The following INTS10 variants were observed in gnomAD, a reference collection of about 807,000 sequenced individuals.
INTS10 encodes the protein integrator complex subunit 10, also known as chromosome 8 open reading frame 35.
In INTS10, 44 loss-of-function variants were observed where a neutral mutation model predicts 94.4. The observed-to-expected ratio is 0.47, with a 90% CI of 0.37 to 0.60. INTS10 has a LOEUF of 0.60. Ranked by LOEUF, INTS10 falls within the 20% of genes least tolerant of loss-of-function variation. The probability of loss-of-function intolerance (pLI) is 0.00; values close to 1 mark genes in which losing one functional copy is unlikely to be tolerated. For synonymous variants in INTS10, 341 were observed against 320.7 expected (o/e 1.06, Z -0.68); for missense variants, 797 against 868.7 (o/e 0.92, Z 1.04).
rs2068377659 is a variant in INTS10, at chr8:19,844,202, A to C, written c.1846A>C (p.Asn616His). ...TGTCAATAAAATTTGCCAACAAGGA[A>C]ATTTCCAATATGAGAATTTTTTCAA... ...KAVNKICQQG[N>H]FQYENFFNYV... The change falls in exon 15 of 17, where the codon AAT (asparagine) becomes CAT (histidine). Residue 616 changes from asparagine (N) to histidine (H), a missense_variant. Transcript: ENST00000397977. 6.2e-7 allele frequency: 1 copy of C among 1,613,352 alleles called. No homozygotes were observed. Among genetic ancestry groups the C allele is most frequent in the Non-Finnish European group, 8.5e-7 (1 of 1,179,326 alleles).
At position 19,817,450 on chromosome 8, in the gene INTS10, G is replaced by A. The variant is rs975950208; in HGVS notation, c.-88G>A. On this transcript the variant is annotated 5_prime_UTR_variant, in exon 1 of 17. Coordinates refer to ENST00000397977, the MANE Select transcript of INTS10 (RefSeq NM_018142.4). ...CAGTAGCCTCCCCCGCGGTGGCGGC[G>A]GCGGCGGCGGTGGCTGCCGTGGCGG... 1 of 1,517,412 alleles carries A rather than the reference G, an allele frequency of 6.6e-7. No homozygotes were observed. The highest frequency in any genetic ancestry group is 1.4e-5 in the African/African-American group (1 of 72,660). 94.0% of individuals were successfully genotyped at this position (1,517,412 alleles called of 1,614,324 possible).
chr8:19,829,423 T>C (rs2067058914), intron 9 of INTS10, among the ~76,000 whole-genome samples: 1 of 152,166 alleles, frequency 6.6e-6, no homozygotes, highest in Non-Finnish European at 1.5e-5. Flanking sequence ...TAATTGCCTT[T>C]CTCTGTAGCC....
chr8:19,840,907 G>A (rs554460058), intron 13 of INTS10, among the ~76,000 whole-genome samples: 2 of 152,332 alleles, frequency 1.3e-5, no homozygotes, highest in South Asian at 4.1e-4. Flanking sequence ...ATTAGGTAAT[G>A]ACATGTTCAA....
rs2069029990 is a variant in INTS10 at position 19,851,500 on chromosome 8, G to C, written c.1977-149G>C. 1.5e-6 allele frequency: 1 copy of C among 673,922 alleles called. No homozygotes were observed. The highest frequency in any genetic ancestry group is 2.5e-6 in the Non-Finnish European group (1 of 393,282). 41.7% of individuals were successfully genotyped at this position (673,922 alleles called of 1,614,324 possible). Reference sequence around the variant, plus strand: ...TGAAGAGAAATGGGCTGGAATGTTTGGTTGGTTGCAGCTATTCTTGTGTTC... The same window carrying C: ...TGAAGAGAAATGGGCTGGAATGTTTCGTTGGTTGCAGCTATTCTTGTGTTC... On this transcript the variant is annotated intron_variant, in intron 16 of 16. Coordinates refer to ENST00000397977, the MANE Select transcript of INTS10 (RefSeq NM_018142.4). This position sits in a 1 kb window ranked among gnomAD's most constrained non-coding sequence, Gnocchi z 5.0.
chr8:19,837,278 C>T (rs1207834995), intron 13 of INTS10, 118 bp downstream of exon 13: 5 of 707,192 alleles, frequency 7.1e-6, no homozygotes, highest in African/African-American at 7.0e-5. Context: ...GCTTTTGAGC[C>T]CAGGAGTTTG....
At chr8:19,839,050 C>T (rs753416416) in intron 13 of INTS10, among the ~76,000 whole-genome samples, 12 of 151,082 alleles carry the variant, frequency 7.9e-5, no homozygotes, top group African/African-American at 2.7e-4. Context: ...CCAGCCTGGG[C>T]GACAGAGTGA....
rs148779324 is a variant in INTS10 at position 19,831,947 on chromosome 8, C to T, written c.1295-81C>T. On this transcript the variant is annotated intron_variant, in intron 10 of 16. Coordinates refer to ENST00000397977, the MANE Select transcript of INTS10 (RefSeq NM_018142.4). ...ACATTTTTGGTAGGTTGTCTCTCTTCTCTCTTACTGGATTTGTTAGTTTGT... is the reference window on the plus strand; with the variant it reads ...ACATTTTTGGTAGGTTGTCTCTCTTTTCTCTTACTGGATTTGTTAGTTTGT... 8.9e-4 allele frequency: 737 copies of T among 831,554 alleles called. 8 individuals are homozygous for T. The African/African-American group carries it at 0.011, about 12-fold the overall frequency. 51.5% of individuals were successfully genotyped at this position (831,554 alleles called of 1,614,324 possible). A position where few individuals can be genotyped will look rare whatever the true frequency, so the allele number is the denominator to read the frequency against.
At chr8:19,828,555 A>G (rs1470525460) in intron 9 of INTS10, among the ~76,000 whole-genome samples, 2 of 152,208 alleles carry the variant, frequency 1.3e-5, no homozygotes, top group Non-Finnish European at 2.9e-5. Context: ...GTCCCACCAC[A>G]TCTGGGGTCC....
At chr8:19,828,438 C>G (rs557994867) in intron 9 of INTS10, among the ~76,000 whole-genome samples, 5 of 152,314 alleles carry the variant, frequency 3.3e-5, no homozygotes, top group African/African-American at 1.2e-4. Flanking sequence ...CATCTGTCCC[C>G]CACCTGCTGC....
At chr8:19,835,772 A>G (rs1035488378) in intron 12 of INTS10, among the ~76,000 whole-genome samples, 5 of 152,196 alleles carry the variant, frequency 3.3e-5, no homozygotes. Context: ...GTGCCAATAT[A>G]TGGATCCTGC....
At chr8:19,838,990 T>G (rs763634168) in intron 13 of INTS10, among the ~76,000 whole-genome samples, 12 of 152,036 alleles carry the variant, frequency 7.9e-5, no homozygotes, top group Non-Finnish European at 1.6e-4. Flanking sequence ...GGGAATCGCT[T>G]GAACCCGGGA....
intron 4 of INTS10, chr8:19,820,994 T>G (rs531318694): frequency 2.0e-5 from 3 of 152,684 alleles, no homozygotes; most frequent in African/African-American, 7.2e-5. Context: ...AAGTAAATAG[T>G]ATCCCACTTT....
intron 13 of INTS10, 36 bp downstream of exon 13, chr8:19,837,196 T>C (rs1396474601): frequency 7.2e-7 from 1 of 1,390,692 alleles, no homozygotes. Context: ...TTTGTAAAAA[T>C]AGCTTTAGAA....
chr8:19,835,363 G>A (rs754395453), intron 12 of INTS10, among the ~76,000 whole-genome samples: 3 of 152,158 alleles, frequency 2.0e-5, no homozygotes, highest in Non-Finnish European at 2.9e-5. Context: ...GTTGGCTGGG[G>A]AGTAGAAGCA....
intron 8 of INTS10, among the ~76,000 whole-genome samples, chr8:19,825,824 A>AATG (rs1438120956): frequency 1.3e-5 from 2 of 152,142 alleles, no homozygotes; most frequent in Admixed American, 6.5e-5. Context: ...ATGGTACTTT[A>AATG]ATGACTCATG....
Position 19,851,848 on chromosome 8 carries a change from G to A in INTS10, c.*43G>A. ...AGACACAGCTCGGGCCTGTGTAATT[G>A]TAGGAGAAGACACTCAGCAGTGATT... On this transcript the variant is annotated 3_prime_UTR_variant, in exon 17 of 17. Coordinates refer to ENST00000397977, the MANE Select transcript of INTS10 (RefSeq NM_018142.4). This position sits in a 1 kb window ranked among gnomAD's most constrained non-coding sequence, Gnocchi z 5.0. 1 of 1,577,850 alleles carries A rather than the reference G, an allele frequency of 6.3e-7. No individual in the cohort carries two copies. Among genetic ancestry groups the A allele is most frequent in the Non-Finnish European group, 8.7e-7 (1 of 1,148,276 alleles).
At chr8:19,827,221 A>G (rs2066870286) in intron 9 of INTS10, among the ~76,000 whole-genome samples, 1 of 152,090 alleles carries the variant, frequency 6.6e-6, no homozygotes, top group Non-Finnish European at 1.5e-5. Flanking sequence ...CCTGCCTCCC[A>G]GCCTCTGCCC....
chr8:19,817,429 A>T lies in INTS10; in HGVS notation c.-109A>T, dbSNP rs2065991976. ...CCGTGCGCCTCCAGACATGCGCAGTAGCCTCCCCCGCGGTGGCGGCGGCGG... is the reference window on the plus strand; with the variant it reads ...CCGTGCGCCTCCAGACATGCGCAGTTGCCTCCCCCGCGGTGGCGGCGGCGG... On this transcript the variant is annotated 5_prime_UTR_variant, in exon 1 of 17. Transcript: ENST00000397977. The T allele has an allele frequency of 6.9e-7, 1 of 1,450,274 alleles. No individual in the cohort carries two copies. Among genetic ancestry groups the T allele is most frequent in the African/African-American group, 1.4e-5 (1 of 71,362 alleles). 89.8% of individuals were successfully genotyped at this position (1,450,274 alleles called of 1,614,324 possible).
rs553833488 is a variant in INTS10, at chr8:19,832,049, C to T, written c.1316C>T (p.Ala439Val). 2 of 1,604,676 alleles carry T rather than the reference C, an allele frequency of 1.2e-6. No homozygotes were observed. Among genetic ancestry groups the T allele is most frequent in the East Asian group, 2.2e-5 (1 of 44,836 alleles). ...LDKEFTRICL[A>V]WKTDTWLWLR... is the part of the protein sequence containing the mutation. ...TCAGAATTTACAAGGATTTGCTTGG[C>T]CTGGAAGACGGATACTTGGCTTTGG... The change falls in exon 11 of 17, where the codon GCC (alanine) becomes GTC (valine). Residue 439 changes from alanine (A) to valine (V), a missense_variant. Coordinates refer to ENST00000397977, the MANE Select transcript of INTS10 (RefSeq NM_018142.4).
Sources: gnomAD v4.1 joint callset for allele counts (sites outside exome capture counted in the v4.1 genomes callset) on GRCh38, gnomAD v4.1.1 for gene constraint, Gnocchi (gnomAD v3.1) non-coding constraint, MANE v1.5 for transcripts, NCBI Gene and HGNC (gene_info 2026-07-23, HGNC 2026-07-21) for gene names.